The following MMP16 variants were observed in gnomAD, a reference collection of about 807,000 sequenced individuals.
MMP16 encodes matrix metallopeptidase 16, also known as matrix metalloproteinase-16.
Under a neutral mutation model 67.8 loss-of-function variants are expected in MMP16, and 12 were observed. That is an observed-to-expected ratio of 0.18 (90% confidence interval 0.11 to 0.29). The LOEUF (loss-of-function observed/expected upper bound fraction) is 0.29. Ranked by LOEUF, MMP16 falls within the 10% of genes least tolerant of loss-of-function variation. The pLI, the probability that MMP16 is intolerant of heterozygous loss-of-function variation, is 1.00. For synonymous variants in MMP16, 249 were observed against 255.9 expected, an observed-to-expected ratio of 0.97 and a Z score of 0.26; for missense variants, 475 against 765.7, an observed-to-expected ratio of 0.62 and a Z score of 4.48.
At chr8:88,190,304 A>G (rs1293055838) in intron 2 of MMP16, among the ~76,000 whole-genome samples, 4 of 152,214 alleles carry the variant, frequency 2.6e-5, no homozygotes, top group African/African-American at 4.8e-5. Context: ...AATACCATAA[A>G]TATGATCAAA....
intron 7 of MMP16, among the ~76,000 whole-genome samples, chr8:88,061,507 T>G (rs559111272): frequency 6.6e-6 from 1 of 152,042 alleles, no homozygotes; most frequent in Non-Finnish European, 1.5e-5. Context: ...TTTTGATCAC[T>G]TCCTTTTGCA....
chr8:88,168,031 G>T, intron 3 of MMP16, 58 bp from the exon 4 acceptor site: 1 of 1,333,584 alleles, frequency 7.5e-7, no homozygotes, highest in Non-Finnish European at 1.0e-6. Context: ...CTTAGTACAG[G>T]TTTTGATCGA....
intron 3 of MMP16, among the ~76,000 whole-genome samples, chr8:88,179,185 G>T (rs1486727054): frequency 6.6e-6 from 1 of 151,720 alleles, no homozygotes; most frequent in African/African-American, 2.4e-5. Context: ...AAGACAAAAA[G>T]AAAACTCTGG....
At chr8:88,209,131 C>A (rs1357330966) in intron 1 of MMP16, among the ~76,000 whole-genome samples, 1 of 151,994 alleles carries the variant, frequency 6.6e-6, no homozygotes, top group African/African-American at 2.4e-5. Context: ...ACCATATAAA[C>A]ACATTTTTAG....
At chr8:88,309,730 A>AGACT (rs1354339198) in intron 1 of MMP16, among the ~76,000 whole-genome samples, 1 of 152,112 alleles carries the variant, frequency 6.6e-6, no homozygotes, top group Non-Finnish European at 1.5e-5. Flanking sequence ...TATCAATGAA[A>AGACT]GACTAAAGAA....
At chr8:88,111,239 A>T (rs1809330645) in intron 6 of MMP16, among the ~76,000 whole-genome samples, 1 of 151,720 alleles carries the variant, frequency 6.6e-6, no homozygotes, top group African/African-American at 2.4e-5. Context: ...GGGTTACAAG[A>T]TGCCAAAATA....
chr8:88,034,460 A>C lies in MMP16; in HGVS notation c.*7001T>G, dbSNP rs1808029033. On this transcript the variant is annotated 3_prime_UTR_variant, in exon 10 of 10. Transcript: ENST00000286614. The stretch of plus-strand genomic sequence containing the variant: ...TGTTTGGAAGTAATTAAGATAGTGA[A>C]ATTTTGTACTTATGAACATATAAAG... 1 of 152,372 alleles carries C rather than the reference A, an allele frequency of 6.6e-6. No homozygotes were observed. The highest frequency in any genetic ancestry group is 2.1e-4 in the South Asian group (1 of 4,824). 9.4% of individuals were successfully genotyped at this position (152,372 alleles called of 1,614,324 possible).
chr8:88,052,889 G>A (rs1193758272), intron 8 of MMP16, among the ~76,000 whole-genome samples: 3 of 152,106 alleles, frequency 2.0e-5, no homozygotes, highest in East Asian at 3.9e-4. Flanking sequence ...GTCCCAACCT[G>A]TCCTTACCAC....
At chr8:88,265,339 C>T (rs958073451) in intron 1 of MMP16, among the ~76,000 whole-genome samples, 33 of 143,610 alleles carry the variant, frequency 2.3e-4, no homozygotes, top group Admixed American at 9.1e-4. Context: ...TGAATCCATT[C>T]TGGATTTTCT....
chr8:88,186,389 C>A, intron 3 of MMP16, 87 bp downstream of exon 3: 1 of 1,517,338 alleles, frequency 6.6e-7, no homozygotes. Context: ...AACATGTAGT[C>A]AACGTGCAGA....
chr8:88,083,366 T>G (rs1586141820), intron 6 of MMP16, among the ~76,000 whole-genome samples: 1 of 152,196 alleles, frequency 6.6e-6, no homozygotes, highest in South Asian at 2.1e-4. Flanking sequence ...TAGTTGAGTC[T>G]GGGCTCAAGA....
chr8:88,243,486 C>G (rs1810062453), intron 1 of MMP16, among the ~76,000 whole-genome samples: 1 of 152,092 alleles, frequency 6.6e-6, no homozygotes, highest in South Asian at 2.1e-4. Flanking sequence ...ACCAAAGATA[C>G]TTAATTCCTG....
chr8:88,196,935 T>G (rs1248034610), intron 2 of MMP16, among the ~76,000 whole-genome samples: 1 of 152,122 alleles, frequency 6.6e-6, no homozygotes, highest in African/African-American at 2.4e-5. Context: ...TCTTTACTAC[T>G]TTGAAACTAT....
chr8:88,285,170 C>CA (rs1424228597), intron 1 of MMP16, among the ~76,000 whole-genome samples: 1 of 151,998 alleles, frequency 6.6e-6, no homozygotes, highest in African/African-American at 2.4e-5. Context: ...GATGGAGTTT[C>CA]ACTCTGTCAC....
intron 4 of MMP16, among the ~76,000 whole-genome samples, chr8:88,124,849 C>T (rs1445533155): frequency 6.6e-6 from 1 of 151,930 alleles, no homozygotes; most frequent in Non-Finnish European, 1.5e-5. Flanking sequence ...GGCTCTCTTC[C>T]TGACTTCTTC....
chr8:88,276,614 T>C (rs562865853), intron 1 of MMP16, among the ~76,000 whole-genome samples: 2 of 152,258 alleles, frequency 1.3e-5, no homozygotes, highest in African/African-American at 4.8e-5. Context: ...GGCTTTACAA[T>C]ACTAAAATCT....
Position 88,327,321 on chromosome 8 carries a change from G to T in MMP16, c.-115C>A. 7.0e-7 allele frequency: 1 copy of T among 1,423,774 alleles called. No homozygotes were observed. Among genetic ancestry groups the T allele is most frequent in the South Asian group, 1.2e-5 (1 of 80,750 alleles). 88.2% of individuals were successfully genotyped at this position (1,423,774 alleles called of 1,614,324 possible). ...AGTCCTCCGGGTGGGTAAGGAGCCT[G>T]CAGGTTCACCCACAGCCGGGCAAGG... On this transcript the variant is annotated 5_prime_UTR_variant, in exon 1 of 10. Coordinates refer to ENST00000286614, the MANE Select transcript of MMP16 (RefSeq NM_005941.5).
intron 4 of MMP16, among the ~76,000 whole-genome samples, chr8:88,161,590 A>C (rs542951556): frequency 1.3e-3 from 194 of 151,344 alleles, no homozygotes; most frequent in Non-Finnish European, 2.0e-3. Flanking sequence ...TTGCCTTCTG[A>C]TAGCTTTTGA....
intron 1 of MMP16, among the ~76,000 whole-genome samples, chr8:88,226,589 T>C (rs1183276019): frequency 6.6e-6 from 1 of 152,100 alleles, no homozygotes; most frequent in Non-Finnish European, 1.5e-5. Context: ...TAAAATTTTC[T>C]AGTTGTTTGC....
Sources: allele counts gnomAD v4.1 joint callset (sites outside exome capture counted in the v4.1 genomes callset), GRCh38; gene constraint gnomAD v4.1.1; transcripts MANE v1.5; gene names NCBI Gene and HGNC (gene_info 2026-07-23, HGNC 2026-07-21).